DCT: variants seen among roughly 807,000 people sequenced by gnomAD.
The protein encoded by DCT is L-dopachrome tautomerase.
A neutral mutation model predicts 53.0 loss-of-function variants in DCT; 47 were observed. The ratio of observed to expected loss-of-function variants is 0.89; its 90% CI spans 0.70 to 1.13. The LOEUF is 1.13. Among genes scored for constraint, DCT ranks in the 50% most tolerant of loss-of-function variants. The probability of loss-of-function intolerance (pLI) is 0.00; values close to 1 mark genes in which losing one functional copy is unlikely to be tolerated. For missense variants in DCT, 669 were observed against 637.4 expected (o/e 1.05, Z -0.53); for synonymous variants, 244 against 237.0 (o/e 1.03, Z -0.27).
rs1026296711 is a variant in DCT, at chr13:94,474,352, C to T, written c.295+4609G>A. ...CCATTAGACTAAATAAGCTTAAAGA[C>T]CACCGATTAGTGAATTTACAAGGAA... On this transcript the variant is annotated intron_variant, in intron 1 of 7. Coordinates refer to ENST00000377028, the MANE Select transcript of DCT (RefSeq NM_001922.5). Among the ~76,000 whole-genome samples the T allele has an allele frequency of 4.6e-5, 7 of 152,304 alleles. No individual in the cohort carries two copies. In the South Asian group the frequency reaches 6.2e-4, roughly 14 times the overall value.
chr13:94,451,786 C>T (rs1453214681), intron 6 of DCT, among the ~76,000 whole-genome samples: 2 of 152,080 alleles, frequency 1.3e-5, no homozygotes, highest in South Asian at 4.1e-4. Flanking sequence ...ATAAAACCTA[C>T]AAAATACATC....
chr13:94,528,624 A>G, the DCT span, among the ~76,000 whole-genome samples: 174 of 152,326 alleles, frequency 1.1e-3, no homozygotes, highest in African/African-American at 3.9e-3. Context: ...CTGCCTTACA[A>G]GAGGCTCCTG....
chr13:94,506,111 T>C, the DCT span, among the ~76,000 whole-genome samples: 1 of 152,216 alleles, frequency 6.6e-6, no homozygotes, highest in Non-Finnish European at 1.5e-5. Flanking sequence ...ATATAACTAA[T>C]ATACTTGATA....
At chr13:94,499,879 T>C in the DCT span, among the ~76,000 whole-genome samples, 1 of 152,146 alleles carries the variant, frequency 6.6e-6, no homozygotes, top group African/African-American at 2.4e-5. Context: ...TCAGCTTTAT[T>C]GAGGTTATAA....
At chr13:94,530,448 A>C in the DCT span, among the ~76,000 whole-genome samples, 2 of 152,222 alleles carry the variant, frequency 1.3e-5, no homozygotes, top group African/African-American at 4.8e-5. Flanking sequence ...ACCACAATCA[A>C]GTCGGCTTCA....
At chr13:94,510,250 G>T in the DCT span, among the ~76,000 whole-genome samples, 1 of 152,176 alleles carries the variant, frequency 6.6e-6, no homozygotes, top group Admixed American at 6.5e-5. Context: ...CCACCTGCAG[G>T]TTTCCTGATA....
intron 6 of DCT, among the ~76,000 whole-genome samples, chr13:94,449,596 A>C (rs1192631324): frequency 6.6e-6 from 1 of 152,228 alleles, no homozygotes; most frequent in African/African-American, 2.4e-5. Context: ...TGACAGATAA[A>C]AGCACACACA....
At chr13:94,473,477 A>G (rs759937374) in intron 1 of DCT, among the ~76,000 whole-genome samples, 2 of 152,252 alleles carry the variant, frequency 1.3e-5, no homozygotes, top group Non-Finnish European at 2.9e-5. Context: ...TAACCCCATC[A>G]TAAGTCAGGG....
the DCT span, among the ~76,000 whole-genome samples, chr13:94,532,949 A>T: frequency 9.1e-4 from 138 of 152,366 alleles, no homozygotes; most frequent in Middle Eastern, 3.4e-3. Flanking sequence ...AAAATGACAA[A>T]AAATATTTAT....
chr13:94,503,422 G>GGAAA, the DCT span, among the ~76,000 whole-genome samples: 16 of 144,680 alleles, frequency 1.1e-4, no homozygotes, highest in African/African-American at 3.3e-4. Flanking sequence ...GGGAGGTGGG[G>GGAAA]GAAAGAAAGA....
chr13:94,513,148 G>C, the DCT span, among the ~76,000 whole-genome samples: 3,167 of 152,308 alleles, frequency 0.021, 71 homozygotes, highest in African/African-American at 0.034. Context: ...GTGATGCTGG[G>C]TGAAAGAAGG....
chr13:94,477,156 T>C (rs9301961), intron 1 of DCT, among the ~76,000 whole-genome samples: 124,696 of 151,816 alleles, frequency 0.82, 52,522 homozygotes, highest in African/African-American at 0.96. Context: ...AGTGCAGTGG[T>C]GTGATTTCTG....
At chr13:94,544,227 G>A in the DCT span, among the ~76,000 whole-genome samples, 2 of 151,886 alleles carry the variant, frequency 1.3e-5, no homozygotes, top group Admixed American at 1.3e-4. Context: ...TATCTCAAAG[G>A]ATTATTGACA....
the DCT span, among the ~76,000 whole-genome samples, chr13:94,544,953 C>A: frequency 4.6e-5 from 7 of 151,952 alleles, no homozygotes; most frequent in Admixed American, 2.0e-4. Context: ...AAAACAACAA[C>A]AAAAAAATGT....
At chr13:94,501,749 A>G in the DCT span, among the ~76,000 whole-genome samples, 2 of 152,086 alleles carry the variant, frequency 1.3e-5, no homozygotes, top group African/African-American at 4.8e-5. Flanking sequence ...TGTCCCAAGC[A>G]GAGGGCACAG....
At chr13:94,546,003 G>A in the DCT span, among the ~76,000 whole-genome samples, 2 of 152,056 alleles carry the variant, frequency 1.3e-5, no homozygotes, top group Admixed American at 1.3e-4. The surrounding 1 kb of genome is among the most constrained non-coding windows in gnomAD (Gnocchi z 4.2). Flanking sequence ...GTGCCTGCTT[G>A]AGAAAGCCCA....
At chr13:94,543,140 T>G in the DCT span, among the ~76,000 whole-genome samples, 13 of 152,180 alleles carry the variant, frequency 8.5e-5, no homozygotes, top group African/African-American at 2.9e-4. Context: ...TTTGCCTGAC[T>G]AGGGCACATG....
chr13:94,465,968 T>TTATATATATA (rs3044355), intron 3 of DCT, among the ~76,000 whole-genome samples, 169 bp from the exon 4 acceptor site: 106 of 77,786 alleles, frequency 1.4e-3, no homozygotes, highest in Non-Finnish European at 1.5e-3. Flanking sequence ...TGTGTATATT[T>TTATATATATA]TATATATATA....
At chr13:94,525,286 G>A in the DCT span, among the ~76,000 whole-genome samples, 3 of 152,076 alleles carry the variant, frequency 2.0e-5, no homozygotes, top group Non-Finnish European at 1.5e-5. Flanking sequence ...ATTTTTAGTA[G>A]AGATGGGGTT....
Sources: gnomAD v4.1 joint callset for allele counts (sites outside exome capture counted in the v4.1 genomes callset) on GRCh38, gnomAD v4.1.1 for gene constraint, Gnocchi (gnomAD v3.1) non-coding constraint, MANE v1.5 for transcripts, NCBI Gene and HGNC (gene_info 2026-07-23, HGNC 2026-07-21) for gene names.